Variants in FMR1NB observed in about 807,000 individuals in gnomAD.
FMR1NB encodes the protein FMR1 neighbor.
A neutral mutation model predicts 16.8 loss-of-function variants in FMR1NB; 10 were observed. That is an observed-to-expected ratio of 0.60 (90% confidence interval 0.37 to 1.01). The LOEUF is 1.01. Ranked by LOEUF, FMR1NB falls within the 50% of genes least tolerant of loss-of-function variation. The pLI is 0.01. For missense variants in FMR1NB, 205 were observed against 204.8 expected, an observed-to-expected ratio of 1.00 and a Z score of 0.00; for synonymous variants, 83 against 79.1, an observed-to-expected ratio of 1.05 and a Z score of -0.26.
intron 4 of FMR1NB, among the ~76,000 whole-genome samples, chrX:148,010,506 G>T (rs1370868919): frequency 8.9e-6 from 1 of 111,888 alleles, no homozygotes; most frequent in Admixed American, 9.5e-5. Context: ...GTCAGCTTTT[G>T]CAGGGCAAGA....
chrX:147,986,728 T>C (rs1557187117), intron 1 of FMR1NB, among the ~76,000 whole-genome samples: 1 of 111,791 alleles, frequency 8.9e-6, no homozygotes, highest in Non-Finnish European at 1.9e-5. Context: ...TGTAGTCTTG[T>C]AGTATAGTTT....
intron 1 of FMR1NB, among the ~76,000 whole-genome samples, chrX:147,982,449 C>T (rs1259945572): frequency 9.2e-6 from 1 of 108,651 alleles, no homozygotes; most frequent in Admixed American, 9.7e-5. Flanking sequence ...ATTAGCTGGG[C>T]GTGGTGGCAT....
intron 1 of FMR1NB, among the ~76,000 whole-genome samples, chrX:147,998,631 C>A (rs5904831): frequency 0.15 from 16,396 of 112,101 alleles, 1,636 homozygotes; most frequent in African/African-American, 0.37. Context: ...AAGATTTGCC[C>A]TATGGCAAGT....
chrX:148,023,005 T>C (rs537739844), intron 4 of FMR1NB, among the ~76,000 whole-genome samples: 2 of 112,015 alleles, frequency 1.8e-5, no homozygotes, highest in African/African-American at 6.5e-5. Context: ...GCGACAAACC[T>C]GGACTGAGAT....
At chrX:147,982,841 C>T (rs1557186776) in intron 1 of FMR1NB, among the ~76,000 whole-genome samples, 1 of 111,310 alleles carries the variant, frequency 9.0e-6, no homozygotes, top group African/African-American at 3.3e-5. Context: ...TTGCAGTGAG[C>T]CAAGATCGCG....
At chrX:148,016,337 G>C (rs1316539345) in intron 4 of FMR1NB, among the ~76,000 whole-genome samples, 1 of 111,371 alleles carries the variant, frequency 9.0e-6, no homozygotes, top group Admixed American at 9.5e-5. Flanking sequence ...CAAGCTATAT[G>C]TGTCTTTATA....
intron 4 of FMR1NB, among the ~76,000 whole-genome samples, chrX:148,021,498 C>G (rs782323383): frequency 1.0e-3 from 112 of 107,717 alleles, no homozygotes; most frequent in African/African-American, 3.6e-3. Context: ...TGCCATCTTG[C>G]TCTGTCCTCA....
At chrX:147,992,160 A>G (rs1427233466) in intron 1 of FMR1NB, among the ~76,000 whole-genome samples, 9 of 109,279 alleles carry the variant, frequency 8.2e-5, no homozygotes, top group African/African-American at 3.0e-4. Flanking sequence ...TCCCGTTCTC[A>G]ATGAGCTGTT....
chrX:148,007,982 T>TA (rs1350920790), intron 3 of FMR1NB: 3 of 112,511 alleles, frequency 2.7e-5, no homozygotes, highest in African/African-American at 9.7e-5. Context: ...AACTGTGACT[T>TA]ACAATTCCCC....
intron 1 of FMR1NB, among the ~76,000 whole-genome samples, chrX:147,999,486 G>T (rs1442771168): frequency 9.0e-6 from 1 of 110,857 alleles, no homozygotes; most frequent in East Asian, 2.8e-4. Context: ...TTGTCCTTGT[G>T]CTGGAAGCAC....
chrX:148,001,471 C>T (rs1481581229), intron 1 of FMR1NB, among the ~76,000 whole-genome samples: 1 of 111,422 alleles, frequency 9.0e-6, no homozygotes. Context: ...AAAGGATTAC[C>T]AGATCAGTTA....
intron 1 of FMR1NB, among the ~76,000 whole-genome samples, chrX:148,002,536 A>G (rs1247588142): frequency 1.1e-4 from 12 of 112,358 alleles, no homozygotes; most frequent in African/African-American, 3.6e-4. Flanking sequence ...ATGTAATGAT[A>G]ATCATTGCAG....
intron 1 of FMR1NB, among the ~76,000 whole-genome samples, chrX:147,994,891 T>C (rs782154578): frequency 8.9e-6 from 1 of 112,350 alleles, no homozygotes; most frequent in South Asian, 3.7e-4. Flanking sequence ...TTGTTATGGG[T>C]TGAATTGTGT....
At chrX:147,990,464 G>C (rs1416647440) in intron 1 of FMR1NB, among the ~76,000 whole-genome samples, 1 of 111,387 alleles carries the variant, frequency 9.0e-6, no homozygotes, top group Non-Finnish European at 1.9e-5. Context: ...CCCTGTTTTT[G>C]TATTTTTATA....
chrX:148,017,096 C>A (rs151057167), intron 4 of FMR1NB, among the ~76,000 whole-genome samples: 1,534 of 110,596 alleles, frequency 0.014, 16 homozygotes, highest in Middle Eastern at 0.023. Context: ...CTTTATTTTT[C>A]TTCATGTCTG....
At chrX:147,998,755 G>A (rs1020440567) in intron 1 of FMR1NB, among the ~76,000 whole-genome samples, 10 of 112,121 alleles carry the variant, frequency 8.9e-5, no homozygotes, top group African/African-American at 2.9e-4. Context: ...ATTCATCTAT[G>A]TTCCACCTAA....
At chrX:148,020,862 G>A (rs1270715812) in intron 4 of FMR1NB, among the ~76,000 whole-genome samples, 2 of 112,086 alleles carry the variant, frequency 1.8e-5, no homozygotes, top group African/African-American at 6.5e-5. Flanking sequence ...AGTTAGGGGA[G>A]GGGTGGCACC....
intron 3 of FMR1NB, 74 bp from the exon 4 acceptor site, chrX:148,008,544 G>A: frequency 1.0e-6 from 1 of 983,547 alleles, no homozygotes; most frequent in Non-Finnish European, 1.4e-6. Flanking sequence ...TCTTTATAAA[G>A]ACTTTATGAA....
At chrX:148,001,151 T>G (rs1338196018) in intron 1 of FMR1NB, among the ~76,000 whole-genome samples, 4 of 111,802 alleles carry the variant, frequency 3.6e-5, no homozygotes, top group African/African-American at 1.3e-4. Flanking sequence ...CTAAGAAAAG[T>G]GCAGGGCCTA....
Sources: allele counts gnomAD v4.1 joint callset (sites outside exome capture counted in the v4.1 genomes callset), GRCh38; gene constraint gnomAD v4.1.1; transcripts MANE v1.5; gene names NCBI Gene and HGNC (gene_info 2026-07-23, HGNC 2026-07-21).